APBA2: variants seen among roughly 807,000 people sequenced by gnomAD.
APBA2 encodes the protein amyloid-beta A4 precursor protein-binding family A member 2.
APBA2 carries 30 observed loss-of-function variants against 75.0 expected under a neutral mutation model. The observed-to-expected ratio is 0.40, with a 90% CI of 0.30 to 0.54. The LOEUF (loss-of-function observed/expected upper bound fraction) is 0.54, where lower values mean the gene tolerates loss of function less well. APBA2 is among the 20% of genes least tolerant of loss of function. The pLI is 0.49. For synonymous variants in APBA2, 444 were observed against 409.6 expected (o/e 1.08, Z -1.01); for missense variants, 801 against 1,016.1 (o/e 0.79, Z 2.88).
rs142511789 is a variant in APBA2 at position 28,978,449 on chromosome 15, C to T, written c.-94-17304C>T. 3.6e-4 allele frequency among the ~76,000 whole-genome samples: 55 copies of T among 152,298 alleles called. No homozygotes were observed. The East Asian group carries it at 8.3e-3, about 23-fold the overall frequency. On this transcript the variant is annotated intron_variant, in intron 2 of 14. Coordinates refer to ENST00000683413, the MANE Select transcript of APBA2 (RefSeq NM_001353788.2). The stretch of plus-strand genomic sequence containing the variant: ...GGCTTGCCCCAGGCCGGTGGCACAC[C>T]CAGGACTGGGCCTGGATGACTTTAA...
chr15:29,011,439 G>A (rs2039399482), intron 3 of APBA2, among the ~76,000 whole-genome samples: 1 of 150,774 alleles, frequency 6.6e-6, no homozygotes, highest in Non-Finnish European at 1.5e-5. Flanking sequence ...ATATTTTCTG[G>A]TTATATTTTT....
At chr15:28,896,078 A>G (rs2152619759) in intron 1 of APBA2, among the ~76,000 whole-genome samples, 1 of 152,130 alleles carries the variant, frequency 6.6e-6, no homozygotes, top group East Asian at 1.9e-4. Flanking sequence ...GCGTCACTCT[A>G]CTCCAACCTG....
chr15:29,046,012 A>T lies in APBA2; in HGVS notation c.-40-7833A>T, dbSNP rs1170851384. Reference sequence around the variant, plus strand: ...GAGTATGCAGTTAAAGTAATTGGAGATTCTTTGACCAGACGTTTTGAGAGT... The same window carrying T: ...GAGTATGCAGTTAAAGTAATTGGAGTTTCTTTGACCAGACGTTTTGAGAGT... On this transcript the variant is annotated intron_variant, in intron 3 of 14. Transcript: ENST00000683413. The surrounding 1 kb of genome is among the most constrained non-coding windows in gnomAD (Gnocchi z 5.0). 6.6e-5 allele frequency among the ~76,000 whole-genome samples: 10 copies of T among 152,232 alleles called. 1 individual carries two copies. Among genetic ancestry groups the T allele is most frequent in the African/African-American group, 2.4e-4 (10 of 41,544 alleles).
chr15:29,062,295 T>G (rs541065145), intron 4 of APBA2, among the ~76,000 whole-genome samples: 38 of 152,190 alleles, frequency 2.5e-4, no homozygotes, highest in Non-Finnish European at 5.0e-4. Context: ...GGTGCTCCTG[T>G]GTCCCCTGTC....
intron 3 of APBA2, among the ~76,000 whole-genome samples, chr15:29,016,136 G>T (rs962606708): frequency 9.9e-5 from 15 of 152,104 alleles, no homozygotes; most frequent in African/African-American, 3.6e-4. Context: ...GCATGCCTGT[G>T]ATCCCAGCTA....
At chr15:29,104,979 G>A (rs1169044957) in intron 10 of APBA2, among the ~76,000 whole-genome samples, 1 of 152,094 alleles carries the variant, frequency 6.6e-6, no homozygotes, top group Non-Finnish European at 1.5e-5. Flanking sequence ...TCCCACTCCA[G>A]TCTGGGCAAC....
intron 2 of APBA2, among the ~76,000 whole-genome samples, chr15:28,985,094 T>C (rs1419064591): frequency 1.3e-5 from 2 of 152,138 alleles, no homozygotes; most frequent in Non-Finnish European, 2.9e-5. Flanking sequence ...CTTGGGTGGC[T>C]GTGGCAGGAA....
chr15:29,088,011 C>T (rs908321851), intron 6 of APBA2, among the ~76,000 whole-genome samples: 1 of 152,156 alleles, frequency 6.6e-6, no homozygotes, highest in African/African-American at 2.4e-5. Context: ...CTTTCACAGC[C>T]GGAATCTGGG....
At chr15:28,890,734 C>T (rs147658046) in intron 1 of APBA2, among the ~76,000 whole-genome samples, 104 of 152,326 alleles carry the variant, frequency 6.8e-4, no homozygotes, top group African/African-American at 2.3e-3. Context: ...CTGCAATACA[C>T]GCACGAGGCC....
At chr15:28,933,162 C>G (rs934549816) in intron 2 of APBA2, among the ~76,000 whole-genome samples, 3 of 152,144 alleles carry the variant, frequency 2.0e-5, no homozygotes, top group African/African-American at 7.2e-5. Context: ...GACCTAATCA[C>G]CTCTTAAAGG....
intron 8 of APBA2, among the ~76,000 whole-genome samples, chr15:29,095,239 C>T (rs2043794179): frequency 6.6e-6 from 1 of 152,124 alleles, no homozygotes; most frequent in Non-Finnish European, 1.5e-5. Flanking sequence ...ATTAGCCTGA[C>T]CAACATGGAG....
intron 4 of APBA2, among the ~76,000 whole-genome samples, chr15:29,056,536 C>T (rs2041892240): frequency 6.7e-6 from 1 of 149,518 alleles, no homozygotes; most frequent in Admixed American, 6.7e-5. Flanking sequence ...TCCCTCCCTC[C>T]CTCCTTTCTG....
chr15:29,038,075 C>T (rs753783370), intron 3 of APBA2, among the ~76,000 whole-genome samples: 72 of 152,214 alleles, frequency 4.7e-4, no homozygotes, highest in African/African-American at 4.8e-5. Context: ...CCAGTCCACT[C>T]TCTGGCTGGC....
At chr15:29,080,001 A>G (rs2043019306) in intron 6 of APBA2, among the ~76,000 whole-genome samples, 1 of 152,056 alleles carries the variant, frequency 6.6e-6, no homozygotes, top group Admixed American at 6.6e-5. Flanking sequence ...GTGAGGCTAA[A>G]GTCACTTGTG....
At chr15:29,080,083 C>T (rs1038270508) in intron 6 of APBA2, among the ~76,000 whole-genome samples, 1 of 152,188 alleles carries the variant, frequency 6.6e-6, no homozygotes, top group Non-Finnish European at 1.5e-5. Context: ...CACATAAACT[C>T]GTAGCCGAGG....
intron 6 of APBA2, among the ~76,000 whole-genome samples, chr15:29,090,066 T>G (rs2043485261): frequency 6.6e-6 from 1 of 152,182 alleles, no homozygotes; most frequent in African/African-American, 2.4e-5. Flanking sequence ...CCCACTGGAC[T>G]CTTCTCTGGG....
At chr15:28,907,822 G>A (rs1028141123) in intron 1 of APBA2, among the ~76,000 whole-genome samples, 4 of 152,120 alleles carry the variant, frequency 2.6e-5, no homozygotes, top group African/African-American at 9.7e-5. Context: ...CAGCCATAAA[G>A]TCTGCCTTTC....
chr15:28,993,716 G>A (rs2038358538), intron 2 of APBA2, among the ~76,000 whole-genome samples: 1 of 152,214 alleles, frequency 6.6e-6, no homozygotes, highest in Non-Finnish European at 1.5e-5. Flanking sequence ...TCTGGGGGAT[G>A]CACATGGATG....
At chr15:28,893,916 A>T (rs1414058741) in intron 1 of APBA2, 4 of 152,158 alleles carry the variant, frequency 2.6e-5, no homozygotes, top group Non-Finnish European at 5.9e-5. Context: ...GTGCTGCTTC[A>T]GTTGATTTGA....
Sources: allele counts gnomAD v4.1 joint callset (sites outside exome capture counted in the v4.1 genomes callset), GRCh38; gene constraint gnomAD v4.1.1; non-coding constraint Gnocchi (gnomAD v3.1); transcripts MANE v1.5; gene names NCBI Gene and HGNC (gene_info 2026-07-23, HGNC 2026-07-21).